Variants in PRICKLE1 observed in about 807,000 individuals in gnomAD.
PRICKLE1 encodes prickle planar cell polarity protein 1, also known as prickle-like protein 1.
In PRICKLE1, 14 loss-of-function variants were observed where a neutral mutation model predicts 70.2. That is an observed-to-expected ratio of 0.20 (90% CI 0.13 to 0.31). The LOEUF is 0.31. Among genes scored for constraint, PRICKLE1 ranks in the 10% least tolerant of loss-of-function variants. The pLI, the probability that PRICKLE1 is intolerant of heterozygous loss-of-function variation, is 1.00. For synonymous variants in PRICKLE1, 357 were observed against 379.9 expected, an observed-to-expected ratio of 0.94 and a Z score of 0.70; for missense variants, 821 against 1,026.2, an observed-to-expected ratio of 0.80 and a Z score of 2.73.
chr12:42,522,054 C>A (rs1255784083), intron 1 of PRICKLE1, among the ~76,000 whole-genome samples: 2 of 151,392 alleles, frequency 1.3e-5, no homozygotes, highest in African/African-American at 2.4e-5. Flanking sequence ...CGGCTCACTG[C>A]AAGCTCCACC....
chr12:42,540,145 TCATGC>T (rs1402703514), intron 1 of PRICKLE1, among the ~76,000 whole-genome samples: 1 of 152,238 alleles, frequency 6.6e-6, no homozygotes, highest in African/African-American at 2.4e-5. Context: ...ATAGCTTTAC[TCATGC>T]TACATAACAT....
chr12:42,477,430 ATGTATATATG>A (rs1938592951), intron 1 of PRICKLE1, among the ~76,000 whole-genome samples: 1 of 113,136 alleles, frequency 8.8e-6, no homozygotes, highest in South Asian at 2.6e-4. Flanking sequence ...GTATATACAT[ATGTATATATG>A]TGTATATATG....
At chr12:42,585,326 G>A (rs1940970305) in intron 1 of PRICKLE1, among the ~76,000 whole-genome samples, 1 of 152,170 alleles carries the variant, frequency 6.6e-6, no homozygotes, top group African/African-American at 2.4e-5. Flanking sequence ...AAGCTGGAAA[G>A]GTCTAATCGG....
At chr12:42,494,485 A>G (rs1429345276) in intron 1 of PRICKLE1, among the ~76,000 whole-genome samples, 1 of 152,198 alleles carries the variant, frequency 6.6e-6, no homozygotes, top group East Asian at 1.9e-4. Context: ...TTCCATCAAG[A>G]AACCACTTTC....
chr12:42,493,931 G>A (rs1470770869), intron 1 of PRICKLE1, among the ~76,000 whole-genome samples: 2 of 152,096 alleles, frequency 1.3e-5, no homozygotes, highest in Admixed American at 1.3e-4. Flanking sequence ...TATTGACTCT[G>A]TACAGGCATA....
At chr12:42,471,623 A>G (rs1938326217) in intron 2 of PRICKLE1, among the ~76,000 whole-genome samples, 1 of 152,190 alleles carries the variant, frequency 6.6e-6, no homozygotes, top group Admixed American at 6.5e-5. Flanking sequence ...CTATTCTCAT[A>G]AAACGTCCCA....
chr12:42,574,564 T>C (rs1377414549), intron 1 of PRICKLE1, among the ~76,000 whole-genome samples: 1 of 152,218 alleles, frequency 6.6e-6, no homozygotes, highest in East Asian at 1.9e-4. Context: ...AACATTCTGA[T>C]TGCTCAGTGA....
chr12:42,482,896 G>C (rs1303606728), intron 1 of PRICKLE1: 2 of 151,986 alleles, frequency 1.3e-5, no homozygotes, highest in Admixed American at 6.5e-5. Context: ...GCCTCAGAGC[G>C]GGCGTCGGCG....
chr12:42,490,757 C>T (rs1939085260), intron 1 of PRICKLE1, among the ~76,000 whole-genome samples: 1 of 152,174 alleles, frequency 6.6e-6, no homozygotes. Flanking sequence ...ACTTGAAAGA[C>T]AACCAACAGC....
chr12:42,498,536 A>G (rs1939250657), intron 1 of PRICKLE1, among the ~76,000 whole-genome samples: 1 of 152,182 alleles, frequency 6.6e-6, no homozygotes, highest in African/African-American at 2.4e-5. Context: ...TAATTCCAGC[A>G]CTTTCAGAGG....
intron 1 of PRICKLE1, among the ~76,000 whole-genome samples, chr12:42,587,318 C>CT (rs1195979187): frequency 6.6e-6 from 1 of 152,040 alleles, no homozygotes; most frequent in East Asian, 1.9e-4. Flanking sequence ...TTTTTCCTTC[C>CT]TTTTTCCCTC....
At chr12:42,579,117 G>A (rs947585013) in intron 1 of PRICKLE1, among the ~76,000 whole-genome samples, 2 of 152,142 alleles carry the variant, frequency 1.3e-5, no homozygotes, top group Non-Finnish European at 2.9e-5. Context: ...CAGTACAGAG[G>A]TATCTTCAGG....
At position 42,465,021 on chromosome 12, in the gene PRICKLE1, T is replaced by C; in HGVS notation, c.1013A>G (p.Lys338Arg). ...RDSRRSVRMG[K>R]SSRSADQCRQ... ...ACACTGATCTGCTGACCGGCTGCTC[T>C]TGCCCATTCGGACACTTCTTCGGGA... Residue 338 changes from lysine to arginine, a missense_variant, in exon 7 of 8, where the codon AAG becomes AGG. Coordinates refer to ENST00000345127, the MANE Select transcript of PRICKLE1 (RefSeq NM_153026.3). 6.2e-7 allele frequency: 1 copy of C among 1,601,306 alleles called. No homozygotes were observed. The highest frequency in any genetic ancestry group is 2.2e-5 in the East Asian group (1 of 44,760).
intron 1 of PRICKLE1, among the ~76,000 whole-genome samples, chr12:42,571,484 T>G (rs1440174859): frequency 6.6e-6 from 1 of 152,146 alleles, no homozygotes; most frequent in Non-Finnish European, 1.5e-5. Context: ...GAGGGGTGGA[T>G]CCTAGCCTCA....
At chr12:42,526,718 G>A (rs979575479) in intron 1 of PRICKLE1, among the ~76,000 whole-genome samples, 12 of 149,386 alleles carry the variant, frequency 8.0e-5, no homozygotes, top group African/African-American at 3.0e-4. Flanking sequence ...CAGTGACCAT[G>A]GCCACTGTTC....
At chr12:42,574,110 T>C (rs1307933653) in intron 1 of PRICKLE1, among the ~76,000 whole-genome samples, 1 of 152,184 alleles carries the variant, frequency 6.6e-6, no homozygotes, top group Admixed American at 6.6e-5. Context: ...AAATACAGGA[T>C]GCCCAGTAAA....
At chr12:42,482,252 C>T (rs1376704944) in intron 1 of PRICKLE1, among the ~76,000 whole-genome samples, 5 of 152,228 alleles carry the variant, frequency 3.3e-5, no homozygotes, top group Non-Finnish European at 7.3e-5. Context: ...CAGTAAGAAA[C>T]AAAAGGAGGA....
At chr12:42,488,422 T>C (rs1939027914) in intron 1 of PRICKLE1, among the ~76,000 whole-genome samples, 1 of 152,214 alleles carries the variant, frequency 6.6e-6, no homozygotes, top group African/African-American at 2.4e-5. Flanking sequence ...CCCTAACCCT[T>C]ACTCCCAACT....
In PRICKLE1 at chr12:42,502,196, C is replaced by T. The variant is rs191527542; in HGVS notation, c.-48-29632G>A. ...ACACACACACACCTATACATATATA[C>T]ACACACACCTATATATATACACACA... On this transcript the variant is annotated intron_variant, in intron 1 of 7. Transcript: ENST00000345127. Among the ~76,000 whole-genome samples the T allele has an allele frequency of 4.9e-4, 73 of 150,480 alleles. 1 individual carries two copies. The highest frequency in any genetic ancestry group is 3.5e-3 in the Middle Eastern group (1 of 288).
Sources: allele counts gnomAD v4.1 joint callset (sites outside exome capture counted in the v4.1 genomes callset), GRCh38; gene constraint gnomAD v4.1.1; transcripts MANE v1.5; gene names NCBI Gene and HGNC (gene_info 2026-07-23, HGNC 2026-07-21).